SPTBN1: variants seen among roughly 807,000 people sequenced by gnomAD.
The protein encoded by SPTBN1 is spectrin beta, non-erythrocytic 1.
SPTBN1 carries 32 observed loss-of-function variants against 266.4 expected under a neutral mutation model. The observed-to-expected ratio is 0.12, with a 90% CI of 0.09 to 0.16. The LOEUF is 0.16. Ranked by LOEUF, SPTBN1 falls within the 10% of genes least tolerant of loss-of-function variation. The probability of loss-of-function intolerance (pLI) is 1.00; values close to 1 mark genes in which losing one functional copy is unlikely to be tolerated. For missense variants in SPTBN1, 2,296 were observed against 3,067.1 expected (o/e 0.75, Z 5.94); for synonymous variants, 1,336 against 1,162.2 (o/e 1.15, Z -3.04).
At chr2:54,488,819 T>C (rs970192754) in intron 1 of SPTBN1, among the ~76,000 whole-genome samples, 3 of 152,218 alleles carry the variant, frequency 2.0e-5, no homozygotes, top group African/African-American at 4.8e-5. Flanking sequence ...AATGAAGTTA[T>C]TAATCTTACA....
At chr2:54,597,416 C>T (rs1284183243) in intron 2 of SPTBN1, among the ~76,000 whole-genome samples, 1 of 152,140 alleles carries the variant, frequency 6.6e-6, no homozygotes, top group Non-Finnish European at 1.5e-5. Context: ...GCAGCCTGCC[C>T]CTTACTGTCT....
chr2:54,500,829 T>C (rs6545414), intron 1 of SPTBN1, among the ~76,000 whole-genome samples: 121,302 of 152,196 alleles, frequency 0.8, 48,953 homozygotes, highest in African/African-American at 0.93. Context: ...TGAGTCACTG[T>C]GCCTGGCTGG....
intron 1 of SPTBN1, among the ~76,000 whole-genome samples, chr2:54,522,495 A>G (rs574553853): frequency 2.4e-4 from 37 of 151,734 alleles, no homozygotes; most frequent in African/African-American, 8.9e-4. Flanking sequence ...GTCAGGCATG[A>G]TAGTGCACAC....
chr2:54,531,977 C>G (rs1217404426), intron 2 of SPTBN1, among the ~76,000 whole-genome samples: 2 of 152,036 alleles, frequency 1.3e-5, no homozygotes, highest in Non-Finnish European at 2.9e-5. Context: ...AAATTTAAGA[C>G]TTAGATGTGT....
chr2:54,637,926 G>C (rs1275819399), intron 18 of SPTBN1, 123 bp downstream of exon 18: 1 of 770,414 alleles, frequency 1.3e-6, no homozygotes, highest in Non-Finnish European at 2.1e-6. Flanking sequence ...GCACCCATTT[G>C]ACTCGCAGGC....
At chr2:54,484,085 C>T (rs1452491689) in intron 1 of SPTBN1, among the ~76,000 whole-genome samples, 2 of 152,086 alleles carry the variant, frequency 1.3e-5, no homozygotes, top group African/African-American at 4.8e-5. Flanking sequence ...CCTTGGGAGG[C>T]TGAGGTTGGA....
At chr2:54,608,965 GA>G (rs939626141) in intron 3 of SPTBN1, among the ~76,000 whole-genome samples, 37 of 152,286 alleles carry the variant, frequency 2.4e-4, no homozygotes, top group Middle Eastern at 3.4e-3. Context: ...TCATTAAGTG[GA>G]AGTGGATCAT....
chr2:54,524,441 G>A (rs948888342), intron 1 of SPTBN1, among the ~76,000 whole-genome samples: 4 of 151,962 alleles, frequency 2.6e-5, no homozygotes, highest in Non-Finnish European at 4.4e-5. Context: ...TCAATGTCTC[G>A]GGTCTAGTCA....
At position 54,632,650 on chromosome 2, in the gene SPTBN1, A is replaced by G; in HGVS notation, c.3649A>G (p.Thr1217Ala). ...AIKKQEDFMTTMDANEEKINA... is the reference protein window; with the variant it reads ...AIKKQEDFMTAMDANEEKINA... ...TAAAAAGCAAGAGGACTTCATGACCACCATGGACGCCAATGAGGAGAAGAT... is the reference window on the plus strand; with the variant it reads ...TAAAAAGCAAGAGGACTTCATGACCGCCATGGACGCCAATGAGGAGAAGAT... Residue 1217 changes from threonine (T) to alanine (A), a missense_variant, in exon 17 of 36, where the codon ACC becomes GCC. Coordinates refer to ENST00000356805, the MANE Select transcript of SPTBN1 (RefSeq NM_003128.3). The G allele has an allele frequency of 1.9e-6, 3 of 1,614,256 alleles. No homozygotes were observed. Among genetic ancestry groups the G allele is most frequent in the Non-Finnish European group, 2.5e-6 (3 of 1,180,042 alleles).
chr2:54,525,857 A>G (rs1040331606), intron 1 of SPTBN1, among the ~76,000 whole-genome samples: 1 of 152,080 alleles, frequency 6.6e-6, no homozygotes, highest in South Asian at 2.1e-4. Flanking sequence ...TCAGCCACCC[A>G]AGTAGCTGGG....
At position 54,653,114 on chromosome 2, in the gene SPTBN1, C is replaced by G. The variant is rs1680407502; in HGVS notation, c.5578-495C>G. ...CCACATAGGGTGCCACGTTTTTATA[C>G]TTTTTGAGTGTAAATGTCCCACGGT... On this transcript the variant is annotated intron_variant, in intron 26 of 35. Coordinates refer to ENST00000356805, the MANE Select transcript of SPTBN1 (RefSeq NM_003128.3). This position sits in a 1 kb window ranked among gnomAD's most constrained non-coding sequence, Gnocchi z 5.1. 1 of 152,248 alleles carries G rather than the reference C, an allele frequency of 6.6e-6. No individual in the cohort carries two copies. The highest frequency in any genetic ancestry group is 2.1e-4 in the South Asian group (1 of 4,842). The allele number at this position is 152,248 out of a possible 1,614,324, so 9.4% of individuals were successfully genotyped here. A position where few individuals can be genotyped will look rare whatever the true frequency, so the allele number is the denominator to read the frequency against.
At chr2:54,622,581 T>C in intron 9 of SPTBN1, 94 bp downstream of exon 9, 1 of 1,417,456 alleles carries the variant, frequency 7.1e-7, no homozygotes, top group Middle Eastern at 1.8e-4. Flanking sequence ...ATCTCATCTC[T>C]TAACTGAATG....
chr2:54,626,085 A>G lies in SPTBN1; in HGVS notation c.1495A>G (p.Ile499Val), dbSNP rs1204705043. 9.3e-6 allele frequency: 15 copies of G among 1,614,206 alleles called. No individual in the cohort carries two copies. Among genetic ancestry groups the G allele is most frequent in the East Asian group, 2.2e-5 (1 of 44,884 alleles). Residue 499 changes from isoleucine (I) to valine (V), a missense_variant, in exon 12 of 36, where the codon ATC becomes GTC. Transcript: ENST00000356805. This position sits in a 1 kb window ranked among gnomAD's most constrained non-coding sequence, Gnocchi z 4.7. ...CGAGAATTACCACGACATCAAGCGC[A>G]TCACAGCGAGGAAGGACAATGTCAT... ...EAENYHDIKR[I>V]TARKDNVIRL...
At chr2:54,534,409 G>A (rs1245779870) in intron 2 of SPTBN1, among the ~76,000 whole-genome samples, 1 of 152,176 alleles carries the variant, frequency 6.6e-6, no homozygotes, top group African/African-American at 2.4e-5. Context: ...CTAGCACACA[G>A]TAACTATACT....
chr2:54,607,101 T>C (rs911732817), intron 3 of SPTBN1, among the ~76,000 whole-genome samples: 2 of 152,278 alleles, frequency 1.3e-5, no homozygotes, highest in Non-Finnish European at 2.9e-5. Flanking sequence ...GATATCACAT[T>C]AATGTGAAAA....
intron 1 of SPTBN1, among the ~76,000 whole-genome samples, chr2:54,492,081 T>A (rs1668713834): frequency 6.6e-6 from 1 of 152,178 alleles, no homozygotes; most frequent in Non-Finnish European, 1.5e-5. Flanking sequence ...ATACCATAAT[T>A]TAAAAAATAA....
Position 54,664,979 on chromosome 2 carries a change from TTAAG to T in SPTBN1, c.6659+290_6659+293del. ...TTGAGACTGAAGAGTCTTCTTTACTTTAAGTGATTGATTTCATTTAGGACTCCTT... is the reference window on the plus strand; with the variant it reads ...TTGAGACTGAAGAGTCTTCTTTACTTTGATTGATTTCATTTAGGACTCCTT... On this transcript the variant is annotated intron_variant, in intron 33 of 35. Coordinates refer to ENST00000356805, the MANE Select transcript of SPTBN1 (RefSeq NM_003128.3). This position sits in a 1 kb window ranked among gnomAD's most constrained non-coding sequence, Gnocchi z 5.6. 2.7e-6 allele frequency: 1 copy of T among 371,716 alleles called. No individual in the cohort carries two copies. The highest frequency in any genetic ancestry group is 3.9e-5 in the South Asian group (1 of 25,934). 23.0% of individuals were successfully genotyped at this position (371,716 alleles called of 1,614,324 possible).
chr2:54,559,314 C>G (rs765342329), intron 2 of SPTBN1, among the ~76,000 whole-genome samples: 2 of 152,078 alleles, frequency 1.3e-5, no homozygotes, highest in Non-Finnish European at 2.9e-5. Context: ...AGAACAATAG[C>G]AAAGGGGAGG....
Position 54,671,138 on chromosome 2 carries a change from T to C in SPTBN1, c.*2569T>C. On this transcript the variant is annotated 3_prime_UTR_variant, in exon 36 of 36. Coordinates refer to ENST00000356805, the MANE Select transcript of SPTBN1 (RefSeq NM_003128.3). ...TAAGGCTTAGGATATGAAATGGCGTTGTCACTTGAATCAAGGCCACTTTTT... is the reference window on the plus strand; with the variant it reads ...TAAGGCTTAGGATATGAAATGGCGTCGTCACTTGAATCAAGGCCACTTTTT... The C allele has an allele frequency of 4.6e-6, 1 of 217,056 alleles. No homozygotes were observed. Among genetic ancestry groups the C allele is most frequent in the Non-Finnish European group, 9.0e-6 (1 of 111,002 alleles). 13.4% of individuals were successfully genotyped at this position (217,056 alleles called of 1,614,324 possible). A position where few individuals can be genotyped will look rare whatever the true frequency, so the allele number is the denominator to read the frequency against.
Sources: gnomAD v4.1 joint callset for allele counts (sites outside exome capture counted in the v4.1 genomes callset) on GRCh38, gnomAD v4.1.1 for gene constraint, Gnocchi (gnomAD v3.1) non-coding constraint, MANE v1.5 for transcripts, NCBI Gene and HGNC (gene_info 2026-07-23, HGNC 2026-07-21) for gene names.